RASGRP1: variants seen among roughly 807,000 people sequenced by gnomAD.
RASGRP1 encodes the protein RAS guanyl releasing protein 1.
A neutral mutation model predicts 95.1 loss-of-function variants in RASGRP1; 37 were observed. The observed-to-expected ratio is 0.39, with a 90% CI of 0.30 to 0.51. RASGRP1 has a LOEUF of 0.51. Ranked by LOEUF, RASGRP1 falls within the 20% of genes least tolerant of loss-of-function variation. The pLI, the probability that RASGRP1 is intolerant of heterozygous loss-of-function variation, is 0.80. For missense variants in RASGRP1, 711 were observed against 965.4 expected (o/e 0.74, Z 3.49); for synonymous variants, 325 against 353.4 (o/e 0.92, Z 0.90).
At chr15:38,546,353 T>TTGC (rs1401487189) in intron 2 of RASGRP1, among the ~76,000 whole-genome samples, 1 of 152,070 alleles carries the variant, frequency 6.6e-6, no homozygotes, top group Non-Finnish European at 1.5e-5. Context: ...GAGTATTCTG[T>TTGC]TGCGGCTGGG....
chr15:38,522,810 G>A (rs1892051962), intron 3 of RASGRP1, among the ~76,000 whole-genome samples: 1 of 152,170 alleles, frequency 6.6e-6, no homozygotes, highest in South Asian at 2.1e-4. Flanking sequence ...ACAGACTGAG[G>A]AGGCCCTTTT....
chr15:38,505,638 A>G (rs1336747836), intron 10 of RASGRP1, among the ~76,000 whole-genome samples: 4 of 152,146 alleles, frequency 2.6e-5, no homozygotes, highest in Non-Finnish European at 4.4e-5. Context: ...CCCTTCAACT[A>G]TATCACAGCT....
chr15:38,521,037 A>C (rs887032571), intron 3 of RASGRP1, among the ~76,000 whole-genome samples: 3 of 152,226 alleles, frequency 2.0e-5, no homozygotes, highest in African/African-American at 7.2e-5. Context: ...CAACAAAGGT[A>C]ATTGACATAA....
chr15:38,504,534 C>T (rs1338703549), intron 10 of RASGRP1: 1 of 152,162 alleles, frequency 6.6e-6, no homozygotes, highest in Non-Finnish European at 1.5e-5. Flanking sequence ...CTGTCTTCCA[C>T]TCCACATCTT....
chr15:38,496,500 G>A (rs8029293), intron 15 of RASGRP1, among the ~76,000 whole-genome samples: 1,773 of 152,274 alleles, frequency 0.012, 32 homozygotes, highest in African/African-American at 0.04. Flanking sequence ...TGCATTTTAT[G>A]TGACAGAATT....
intron 7 of RASGRP1, 96 bp from the exon 8 acceptor site, chr15:38,511,816 C>T: frequency 2.4e-6 from 2 of 846,962 alleles, no homozygotes; most frequent in Non-Finnish European, 3.8e-6. Context: ...CGTGAGTCTC[C>T]CTTACGCTGG....
chr15:38,511,789 G>C, intron 7 of RASGRP1, 69 bp from the exon 8 acceptor site: 1 of 1,194,806 alleles, frequency 8.4e-7, no homozygotes, highest in South Asian at 1.2e-5. Flanking sequence ...CTTAGAGGCT[G>C]CCTCTTGTCT....
chr15:38,555,045 T>G (rs963285389), intron 2 of RASGRP1, among the ~76,000 whole-genome samples: 1 of 152,240 alleles, frequency 6.6e-6, no homozygotes, highest in African/African-American at 2.4e-5. Flanking sequence ...CTTGCTTTGG[T>G]GCACAGACCA....
chr15:38,498,401 TTTACA>T (rs1448359355), intron 15 of RASGRP1, among the ~76,000 whole-genome samples: 3 of 152,200 alleles, frequency 2.0e-5, no homozygotes, highest in African/African-American at 7.2e-5. Context: ...TATATGTTAA[TTTACA>T]TTATATATAC....
At chr15:38,536,988 T>C (rs1892674900) in intron 2 of RASGRP1, among the ~76,000 whole-genome samples, 1 of 152,202 alleles carries the variant, frequency 6.6e-6, no homozygotes, top group South Asian at 2.1e-4. Context: ...ACTATAACAG[T>C]GATGAATTAT....
At chr15:38,522,841 A>C (rs1414312047) in intron 3 of RASGRP1, among the ~76,000 whole-genome samples, 2 of 152,176 alleles carry the variant, frequency 1.3e-5, no homozygotes, top group African/African-American at 4.8e-5. Context: ...TAAGGAGTTG[A>C]CATTAACTCC....
intron 3 of RASGRP1, among the ~76,000 whole-genome samples, chr15:38,522,874 C>T (rs777345857): frequency 1.3e-5 from 2 of 152,082 alleles, no homozygotes; most frequent in Non-Finnish European, 2.9e-5. Flanking sequence ...GGCTCAGAAA[C>T]AATGGCCTGC....
At chr15:38,532,646 T>C (rs1439184047) in intron 2 of RASGRP1, among the ~76,000 whole-genome samples, 1 of 152,236 alleles carries the variant, frequency 6.6e-6, no homozygotes, top group African/African-American at 2.4e-5. Context: ...GTCTGGCCTC[T>C]ACTTGGACCC....
intron 3 of RASGRP1, among the ~76,000 whole-genome samples, chr15:38,523,304 C>A (rs1892069700): frequency 6.6e-6 from 1 of 152,150 alleles, no homozygotes; most frequent in African/African-American, 2.4e-5. Flanking sequence ...TCTTCATAAT[C>A]CTGACCCAAT....
At chr15:38,514,903 TG>T (rs1461272634) in intron 6 of RASGRP1, among the ~76,000 whole-genome samples, 4 of 152,198 alleles carry the variant, frequency 2.6e-5, no homozygotes, top group Non-Finnish European at 2.9e-5. Flanking sequence ...CTCTGACTGC[TG>T]TCCTTCCCTG....
At chr15:38,516,465 C>T (rs957533120) in intron 5 of RASGRP1, 115 bp from the exon 6 acceptor site, 1 of 1,304,690 alleles carries the variant, frequency 7.7e-7, no homozygotes, top group African/African-American at 1.5e-5. Context: ...AGCTAACTTT[C>T]CTTGTGAATG....
chr15:38,518,475 C>T lies in RASGRP1; in HGVS notation c.390-52G>A. ...ATCCAAAACTGATACCAAGGACTCA[C>T]AATTTGTTGGGTTCCAAAAGGAATT... On this transcript the variant is annotated intron_variant, in intron 4 of 16. Coordinates refer to ENST00000310803, the MANE Select transcript of RASGRP1 (RefSeq NM_005739.4). The T allele has an allele frequency of 3.8e-6, 6 of 1,559,938 alleles. No homozygotes were observed. In the South Asian group the frequency reaches 7.1e-5, roughly 18 times the overall value.
chr15:38,521,619 T>C (rs1285834433), intron 3 of RASGRP1, among the ~76,000 whole-genome samples: 2 of 152,192 alleles, frequency 1.3e-5, no homozygotes, highest in Admixed American at 6.5e-5. Flanking sequence ...GCAGGCTAAA[T>C]AGTAAGAGGC....
At chr15:38,559,080 C>T (rs1407383790) in intron 2 of RASGRP1, among the ~76,000 whole-genome samples, 1 of 152,198 alleles carries the variant, frequency 6.6e-6, no homozygotes, top group Non-Finnish European at 1.5e-5. Context: ...TGAAATCCAT[C>T]AATTTTAATC....
Sources: allele counts gnomAD v4.1 joint callset (sites outside exome capture counted in the v4.1 genomes callset), GRCh38; gene constraint gnomAD v4.1.1; transcripts MANE v1.5; gene names NCBI Gene and HGNC (gene_info 2026-07-23, HGNC 2026-07-21).